The following ARPC3 variants were observed in gnomAD, a reference collection of about 807,000 sequenced individuals.
The protein encoded by ARPC3 is actin related protein 2/3 complex subunit 3.
Under a neutral mutation model 27.6 loss-of-function variants are expected in ARPC3, and 12 were observed. That is an observed-to-expected ratio of 0.43 (90% CI 0.28 to 0.70). The LOEUF is 0.70. ARPC3 is among the 30% of genes least tolerant of loss of function. The probability of loss-of-function intolerance (pLI) is 0.17; values close to 1 mark genes in which losing one functional copy is unlikely to be tolerated. For synonymous variants in ARPC3, 53 were observed against 67.2 expected (o/e 0.79, Z 1.03); for missense variants, 153 against 207.7 (o/e 0.74, Z 1.62).
chr12:110,440,150 A>G (rs2135500265), intron 3 of ARPC3, among the ~76,000 whole-genome samples, 162 bp downstream of exon 3: 1 of 152,354 alleles, frequency 6.6e-6, no homozygotes, highest in South Asian at 2.1e-4. Flanking sequence ...GGAAAAAAAA[A>G]GAAACTAATA....
intron 6 of ARPC3, among the ~76,000 whole-genome samples, chr12:110,435,845 C>T (rs1389443276): frequency 3.3e-5 from 5 of 151,964 alleles, no homozygotes; most frequent in African/African-American, 7.3e-5. Context: ...AGGCTGGTCT[C>T]GAACTCCTGA....
chr12:110,443,997 G>A (rs1041705098), intron 2 of ARPC3, among the ~76,000 whole-genome samples: 1 of 149,492 alleles, frequency 6.7e-6, no homozygotes, highest in African/African-American at 2.5e-5. Flanking sequence ...TTGAAACAGA[G>A]TTTTGCTCGT....
intron 1 of ARPC3, 114 bp downstream of exon 1, chr12:110,450,141 C>A: frequency 6.1e-6 from 9 of 1,471,634 alleles, no homozygotes; most frequent in Non-Finnish European, 8.4e-6. Context: ...CCCTCCTTCT[C>A]GGGCCCCAGC....
At chr12:110,439,606 G>A (rs2062424814) in intron 3 of ARPC3, among the ~76,000 whole-genome samples, 2 of 152,170 alleles carry the variant, frequency 1.3e-5, no homozygotes, top group African/African-American at 4.8e-5. Flanking sequence ...GCTGAGGTGA[G>A]CGGATCATGA....
At chr12:110,439,675 A>G (rs1297811644) in intron 3 of ARPC3, among the ~76,000 whole-genome samples, 2 of 152,194 alleles carry the variant, frequency 1.3e-5, no homozygotes, top group Non-Finnish European at 2.9e-5. Flanking sequence ...TCTACTAAAA[A>G]TACAAAAAAT....
At chr12:110,440,286 T>G in intron 3 of ARPC3, 26 bp downstream of exon 3, 1 of 1,518,224 alleles carries the variant, frequency 6.6e-7, no homozygotes, top group Non-Finnish European at 9.1e-7. Context: ...AAAACTAAGT[T>G]AAATATTAAA....
chr12:110,435,699 C>A (rs2062399527), intron 6 of ARPC3, among the ~76,000 whole-genome samples: 1 of 151,926 alleles, frequency 6.6e-6, no homozygotes, highest in Admixed American at 6.6e-5. Flanking sequence ...TCTTGGCTCA[C>A]TGCAACCTCC....
intron 1 of ARPC3, among the ~76,000 whole-genome samples, chr12:110,449,416 G>T (rs867823264): frequency 2.0e-4 from 31 of 151,936 alleles, no homozygotes; most frequent in African/African-American, 7.0e-4. Context: ...CAAAAAATTA[G>T]CTGGGCGTGG....
Position 110,434,909 on chromosome 12 carries a change from T to C in ARPC3, c.*246A>G. The C allele has an allele frequency of 1.5e-6, 1 of 662,258 alleles. No individual in the cohort carries two copies. The highest frequency in any genetic ancestry group is 2.8e-6 in the Non-Finnish European group (1 of 362,524). 41.0% of individuals were successfully genotyped at this position (662,258 alleles called of 1,614,324 possible). A position where few individuals can be genotyped will look rare whatever the true frequency, so the allele number is the denominator to read the frequency against. On this transcript the variant is annotated 3_prime_UTR_variant, in exon 7 of 7. Transcript: ENST00000228825. ...ATAAAGTTTTTCTGACATGGAATGTTAGAAATTTCTTTATTATTACTTATT... is the reference window on the plus strand; with the variant it reads ...ATAAAGTTTTTCTGACATGGAATGTCAGAAATTTCTTTATTATTACTTATT...
At chr12:110,446,008 C>T (rs73417389) in intron 1 of ARPC3, among the ~76,000 whole-genome samples, 4,588 of 151,610 alleles carry the variant, frequency 0.03, 94 homozygotes, top group South Asian at 0.055. Flanking sequence ...GGAGGCTAAG[C>T]TGGAGAATCA....
intron 1 of ARPC3, among the ~76,000 whole-genome samples, chr12:110,446,516 C>T (rs1174846404): frequency 1.3e-5 from 2 of 150,978 alleles, no homozygotes; most frequent in African/African-American, 4.9e-5. Context: ...AGGCTGGTCT[C>T]GAACTCCCGA....
At chr12:110,449,211 T>C (rs561368936) in intron 1 of ARPC3, among the ~76,000 whole-genome samples, 5 of 152,328 alleles carry the variant, frequency 3.3e-5, no homozygotes, top group South Asian at 2.1e-4. Flanking sequence ...TTGAACTTAT[T>C]TGCTGCTGTA....
intron 3 of ARPC3, 61 bp from the exon 4 acceptor site, chr12:110,437,213 T>C: frequency 8.9e-7 from 1 of 1,117,510 alleles, no homozygotes; most frequent in Non-Finnish European, 1.4e-6. Context: ...ATGTGCAATG[T>C]ATGCATTCCA....
At position 110,436,173 on chromosome 12, in the gene ARPC3, C is replaced by T. The variant is rs1377133010; in HGVS notation, c.411G>A (p.Arg137=). 7 of 1,613,684 alleles carry T rather than the reference C, an allele frequency of 4.3e-6. No individual in the cohort carries two copies. Among genetic ancestry groups the T allele is most frequent in the Non-Finnish European group, 5.9e-6 (7 of 1,179,748 alleles). Residue 137 remains arginine (R), a synonymous_variant, in exon 6 of 7, where the codon AGG becomes AGA. Coordinates refer to ENST00000228825, the MANE Select transcript of ARPC3 (RefSeq NM_001278556.2). The part of the protein sequence containing the change: ...EVMRAYLQQL[R]QETGLRLCEK... ...CACAAAGTCTCAGTCCAGTCTCTTG[C>T]CTTAGCTGTTGTAAATAGGCTCTCA...
chr12:110,438,105 G>A (rs2062415672), intron 3 of ARPC3, among the ~76,000 whole-genome samples: 1 of 151,744 alleles, frequency 6.6e-6, no homozygotes, highest in Non-Finnish European at 1.5e-5. Flanking sequence ...AGACCAGCCT[G>A]GGCAACATGG....
chr12:110,439,813 G>A (rs1171060928), intron 3 of ARPC3, among the ~76,000 whole-genome samples: 1 of 152,190 alleles, frequency 6.6e-6, no homozygotes, highest in Non-Finnish European at 1.5e-5. Flanking sequence ...TAGCCTGGGC[G>A]ACGGAGCAAG....
At chr12:110,445,225 A>C (rs1592954727) in intron 2 of ARPC3, 1 of 520,462 alleles carries the variant, frequency 1.9e-6, no homozygotes, top group East Asian at 3.4e-5. Flanking sequence ...CATTTCCTCC[A>C]TTTTCTCAAA....
intron 2 of ARPC3, among the ~76,000 whole-genome samples, chr12:110,444,702 C>A (rs1045403463): frequency 2.6e-5 from 4 of 152,290 alleles, no homozygotes; most frequent in African/African-American, 9.6e-5. Context: ...GTTTACTGAG[C>A]TTTCAAATGG....
intron 3 of ARPC3, among the ~76,000 whole-genome samples, 170 bp downstream of exon 3, chr12:110,440,142 A>G (rs1398929288): frequency 1.3e-5 from 2 of 149,162 alleles, no homozygotes; most frequent in African/African-American, 2.4e-5. Context: ...AATTTGGAGG[A>G]AAAAAAAAGA....
Sources: gnomAD v4.1 joint callset for allele counts (sites outside exome capture counted in the v4.1 genomes callset) on GRCh38, gnomAD v4.1.1 for gene constraint, MANE v1.5 for transcripts, NCBI Gene and HGNC (gene_info 2026-07-23, HGNC 2026-07-21) for gene names.